NRCAM: variants seen among roughly 807,000 people sequenced by gnomAD.
NRCAM encodes the protein neuronal cell adhesion molecule.
Under a neutral mutation model 156.5 loss-of-function variants are expected in NRCAM, and 83 were observed. The observed-to-expected ratio is 0.53, with a 90% CI of 0.44 to 0.64. The LOEUF is 0.64. Among genes scored for constraint, NRCAM ranks in the 30% least tolerant of loss-of-function variants. The probability of loss-of-function intolerance (pLI) is 0.00; values close to 1 mark genes in which losing one functional copy is unlikely to be tolerated. For missense variants in NRCAM, 1,417 were observed against 1,597.3 expected (o/e 0.89, Z 1.92); for synonymous variants, 538 against 563.9 (o/e 0.95, Z 0.65).
intron 3 of NRCAM, among the ~76,000 whole-genome samples, chr7:108,253,809 G>T (rs960993410): frequency 6.6e-6 from 1 of 152,134 alleles, no homozygotes; most frequent in Admixed American, 6.6e-5. Flanking sequence ...GGAGACTGAT[G>T]GCAAATAGGC....
chr7:108,270,588 G>A (rs2097306500), intron 3 of NRCAM, among the ~76,000 whole-genome samples: 2 of 152,062 alleles, frequency 1.3e-5, no homozygotes, highest in Middle Eastern at 6.8e-3. Context: ...CTACACTTAC[G>A]TCCATAGCAA....
intron 3 of NRCAM, among the ~76,000 whole-genome samples, chr7:108,298,662 C>T (rs574825005): frequency 1.4e-5 from 2 of 138,358 alleles, no homozygotes; most frequent in African/African-American, 2.7e-5. Context: ...CAAAAAAAAC[C>T]AAAAAAACAA....
At chr7:108,158,759 T>G (rs1334417750) in intron 32 of NRCAM, among the ~76,000 whole-genome samples, 1 of 152,174 alleles carries the variant, frequency 6.6e-6, no homozygotes, top group Non-Finnish European at 1.5e-5. Flanking sequence ...AAATACGTAC[T>G]TTGTTTCTGT....
chr7:108,441,967 T>C (rs1174752941), intron 1 of NRCAM, among the ~76,000 whole-genome samples: 1 of 152,240 alleles, frequency 6.6e-6, no homozygotes, highest in African/African-American at 2.4e-5. Flanking sequence ...TTCATTAAAG[T>C]GTTCCATATA....
chr7:108,421,426 C>A (rs1045863567), intron 1 of NRCAM, among the ~76,000 whole-genome samples: 5 of 152,026 alleles, frequency 3.3e-5, no homozygotes, highest in African/African-American at 1.2e-4. Context: ...TAATATAGAC[C>A]ATTGCAAGAC....
intron 13 of NRCAM, among the ~76,000 whole-genome samples, chr7:108,204,778 A>G (rs2080182966): frequency 6.6e-6 from 1 of 152,116 alleles, no homozygotes; most frequent in Admixed American, 6.5e-5. Context: ...GCCTTAAAGA[A>G]GACTTTTGGG....
chr7:108,283,797 A>G (rs2097955242), intron 3 of NRCAM, among the ~76,000 whole-genome samples: 1 of 152,016 alleles, frequency 6.6e-6, no homozygotes, highest in Non-Finnish European at 1.5e-5. Context: ...CTCCCCTTAC[A>G]ATTCTCTTAC....
At chr7:108,246,842 C>A (rs2095970416) in intron 3 of NRCAM, among the ~76,000 whole-genome samples, 3 of 152,204 alleles carry the variant, frequency 2.0e-5, no homozygotes. Flanking sequence ...CCAGGAAGCA[C>A]CCTTCCCAGT....
rs2062777274 is a variant in NRCAM, at chr7:108,180,336, C to T, written c.2738G>A (p.Gly913Asp). The T allele has an allele frequency of 2.5e-6, 4 of 1,614,182 alleles. No individual in the cohort carries two copies. Among genetic ancestry groups the T allele is most frequent in the Non-Finnish European group, 3.4e-6 (4 of 1,179,988 alleles). Reference protein sequence around the residue: ...ILTFQGSKTHGMLPGLEPFSH... With the variant: ...ILTFQGSKTHDMLPGLEPFSH... The stretch of plus-strand genomic sequence containing the variant: ...AAAGGGCTCTAGCCCCGGCAACATG[C>T]CATGAGTCTTGCTGCCTTGGAAGGT... The change falls in exon 25 of 33, where the codon GGC (glycine) becomes GAC (aspartate). Residue 913 changes from glycine to aspartate, a missense_variant. By Grantham distance (94) the Gly-to-Asp change is moderately conservative (BLOSUM62 -1). This residue lies in a region of NRCAM where 1,238 missense variants were observed against 1,336.4 expected (regional missense o/e 0.93). Coordinates refer to ENST00000379028, the MANE Select transcript of NRCAM (RefSeq NM_001037132.4).
At chr7:108,152,618 C>T (rs561144060) in intron 32 of NRCAM, among the ~76,000 whole-genome samples, 9 of 152,076 alleles carry the variant, frequency 5.9e-5, no homozygotes, top group Non-Finnish European at 8.8e-5. Context: ...GAATAGCCTA[C>T]CTTAGAGGGC....
chr7:108,451,152 G>A (rs563320583), intron 1 of NRCAM, among the ~76,000 whole-genome samples: 2 of 151,852 alleles, frequency 1.3e-5, no homozygotes, highest in African/African-American at 4.8e-5. Context: ...CAGGGAGGCA[G>A]AGGTTGCAGT....
chr7:108,154,144 C>G (rs62469167), intron 32 of NRCAM, among the ~76,000 whole-genome samples: 14,462 of 152,080 alleles, frequency 0.095, 885 homozygotes, highest in African/African-American at 0.16. Context: ...AGTTAGAGAA[C>G]TGGACCTAGC....
At chr7:108,232,562 G>A (rs766060145) in intron 6 of NRCAM, 40 bp from the exon 7 acceptor site, 2 of 1,404,450 alleles carry the variant, frequency 1.4e-6, no homozygotes, top group Admixed American at 4.8e-5. Context: ...TAATGGTCCA[G>A]AAAAATGGGA....
chr7:108,422,562 A>G (rs187668829), intron 1 of NRCAM, among the ~76,000 whole-genome samples: 1 of 152,212 alleles, frequency 6.6e-6, no homozygotes, highest in East Asian at 1.9e-4. Context: ...AAGTACACTT[A>G]AAGTAAAAGA....
At chr7:108,247,720 G>A (rs528920820) in intron 3 of NRCAM, among the ~76,000 whole-genome samples, 2 of 151,804 alleles carry the variant, frequency 1.3e-5, no homozygotes, top group African/African-American at 4.8e-5. Context: ...GGATGAGAGA[G>A]TCCAATATTG....
chr7:108,304,473 G>A (rs930037411), intron 3 of NRCAM, among the ~76,000 whole-genome samples: 1 of 151,766 alleles, frequency 6.6e-6, no homozygotes, highest in East Asian at 1.9e-4. Context: ...TCCCTGAAGA[G>A]CAAGAGCTGT....
At chr7:108,332,976 T>C (rs1593815189) in intron 2 of NRCAM, among the ~76,000 whole-genome samples, 2 of 152,300 alleles carry the variant, frequency 1.3e-5, no homozygotes, top group South Asian at 2.1e-4. Flanking sequence ...ATCTATGCAA[T>C]TGCTGTTTTG....
intron 3 of NRCAM, among the ~76,000 whole-genome samples, chr7:108,274,668 A>G (rs2097525085): frequency 6.6e-6 from 1 of 152,226 alleles, no homozygotes; most frequent in South Asian, 2.1e-4. Flanking sequence ...CTAAATATAC[A>G]GTCACGTCAT....
chr7:108,202,209 G>A (rs1194228736), intron 13 of NRCAM, among the ~76,000 whole-genome samples: 2 of 152,102 alleles, frequency 1.3e-5, no homozygotes, highest in Non-Finnish European at 2.9e-5. Context: ...CCAGAACTGG[G>A]GTGATGGCCT....
Sources: gnomAD v4.1 joint callset for allele counts (sites outside exome capture counted in the v4.1 genomes callset) on GRCh38, gnomAD v4.1.1 for gene constraint, gnomAD v4.1.1 regional missense constraint, MANE v1.5 for transcripts, NCBI Gene and HGNC (gene_info 2026-07-23, HGNC 2026-07-21) for gene names.